Variants in LAMC1 observed in about 807,000 individuals in gnomAD.
LAMC1 encodes the protein laminin subunit gamma 1, also known as laminin subunit gamma-1.
A neutral mutation model predicts 173.6 loss-of-function variants in LAMC1; 38 were observed. The observed-to-expected ratio is 0.22, with a 90% CI of 0.17 to 0.29. The LOEUF is 0.29. LAMC1 is among the 10% of genes least tolerant of loss of function. The probability of loss-of-function intolerance (pLI) is 1.00; values close to 1 mark genes in which losing one functional copy is unlikely to be tolerated. For synonymous variants in LAMC1, 746 were observed against 749.1 expected, an observed-to-expected ratio of 1.00 and a Z score of 0.07; for missense variants, 1,824 against 2,051.8, an observed-to-expected ratio of 0.89 and a Z score of 2.14.
intron 1 of LAMC1, among the ~76,000 whole-genome samples, chr1:183,091,793 TATC>T (rs1219981176): frequency 3.3e-5 from 5 of 152,284 alleles, no homozygotes; most frequent in African/African-American, 9.6e-5. Context: ...ATGTGTCCCT[TATC>T]ATCGAGAATT....
rs140335717 is a variant in LAMC1 at position 183,113,807 on chromosome 1, A to G, written c.1022-724A>G. Reference sequence around the variant, plus strand: ...GACTCATCTGAGGCCTAAAAAGTTAAGGTAAATTGAAGCCTGCATATAAAA... The same window carrying G: ...GACTCATCTGAGGCCTAAAAAGTTAGGGTAAATTGAAGCCTGCATATAAAA... On this transcript the variant is annotated intron_variant, in intron 4 of 27. Transcript: ENST00000258341. Among the ~76,000 whole-genome samples the G allele has an allele frequency of 2.2e-4, 34 of 152,352 alleles. No individual in the cohort carries two copies. The East Asian group carries it at 6.2e-3, about 28-fold the overall frequency.
At chr1:183,054,965 T>C (rs1654544882) in intron 1 of LAMC1, among the ~76,000 whole-genome samples, 1 of 151,728 alleles carries the variant, frequency 6.6e-6, no homozygotes, top group South Asian at 2.1e-4. Context: ...CTTATTCCTT[T>C]GATTAGTGAG....
chr1:183,142,342 G>T (rs1031121151), intron 27 of LAMC1, among the ~76,000 whole-genome samples, 192 bp from the exon 28 acceptor site: 2 of 152,166 alleles, frequency 1.3e-5, no homozygotes, highest in Admixed American at 1.3e-4. Context: ...TCCCTGCTGG[G>T]TTAGGTCAGC....
At chr1:183,073,672 G>A (rs1285842395) in intron 1 of LAMC1, among the ~76,000 whole-genome samples, 1 of 152,168 alleles carries the variant, frequency 6.6e-6, no homozygotes, top group African/African-American at 2.4e-5. Flanking sequence ...TTTGGAGCAA[G>A]ATACTAGGCC....
chr1:183,133,727 A>C (rs1333178783), intron 22 of LAMC1, among the ~76,000 whole-genome samples, 177 bp downstream of exon 22: 1 of 152,186 alleles, frequency 6.6e-6, no homozygotes, highest in Admixed American at 6.5e-5. Flanking sequence ...TCATGCCTGT[A>C]ATGCCAACCC....
intron 22 of LAMC1, among the ~76,000 whole-genome samples, chr1:183,134,251 A>T (rs1656875973): frequency 6.6e-6 from 1 of 152,214 alleles, no homozygotes; most frequent in Non-Finnish European, 1.5e-5. Context: ...GTCTCTTTAG[A>T]TATGTACAGA....
chr1:183,102,108 C>G (rs988274209), intron 1 of LAMC1, among the ~76,000 whole-genome samples: 1 of 152,136 alleles, frequency 6.6e-6, no homozygotes, highest in Non-Finnish European at 1.5e-5. Flanking sequence ...GAGGGGGACT[C>G]CAGCCGGCAG....
chr1:183,062,350 G>A (rs76742209), intron 1 of LAMC1, among the ~76,000 whole-genome samples: 3,732 of 152,236 alleles, frequency 0.025, 68 homozygotes, highest in Middle Eastern at 0.041. Flanking sequence ...TTTCAGGGCA[G>A]CATTTGATTA....
At chr1:183,039,781 CT>C (rs1654076341) in intron 1 of LAMC1, among the ~76,000 whole-genome samples, 1 of 152,208 alleles carries the variant, frequency 6.6e-6, no homozygotes, top group African/African-American at 2.4e-5. Context: ...AATTAACATA[CT>C]TCCCAGATGT....
chr1:183,082,668 T>G (rs1425271651), intron 1 of LAMC1, among the ~76,000 whole-genome samples: 1 of 152,254 alleles, frequency 6.6e-6, no homozygotes, highest in Non-Finnish European at 1.5e-5. Context: ...TTAATGTGAT[T>G]ATGCACTGAT....
chr1:183,102,139 G>T (rs2102068552), intron 1 of LAMC1, among the ~76,000 whole-genome samples: 1 of 152,290 alleles, frequency 6.6e-6, no homozygotes, highest in East Asian at 1.9e-4. Context: ...ACAAAGCGGG[G>T]TCCAGGCCAC....
Position 183,128,706 on chromosome 1 carries a change from A to C in LAMC1, c.3236A>C (p.Glu1079Ala). The C allele has an allele frequency of 6.2e-7, 1 of 1,613,578 alleles. No homozygotes were observed. The highest frequency in any genetic ancestry group is 8.5e-7 in the Non-Finnish European group (1 of 1,179,634). ...QAFEDRLKEA[E>A]REVMDLLREA... ...TTCGAGGATAGACTAAAGGAAGCAG[A>C]GAGGGAAGTTATGGACCTCCTTCGT... The change falls in exon 18 of 28, where the codon GAG (glutamate) becomes GCG (alanine). Residue 1079 changes from glutamate (E) to alanine (A), a missense_variant. Transcript: ENST00000258341.
rs1007418189 is a variant in LAMC1 at position 183,144,051 on chromosome 1, C to T, written c.*1261C>T. 8 of 152,592 alleles carry T rather than the reference C, an allele frequency of 5.2e-5. No individual in the cohort carries two copies. Among genetic ancestry groups the T allele is most frequent in the South Asian group, 2.1e-4 (1 of 4,832 alleles). The allele number at this position is 152,592 out of a possible 1,614,324, so 9.5% of individuals were successfully genotyped here. ...TCTAAGTGTAGAGGGAAGACCCTTA[C>T]GTGGAGTTTCCTAGTGGGCTTCTCA... On this transcript the variant is annotated 3_prime_UTR_variant, in exon 28 of 28. Transcript: ENST00000258341.
At chr1:183,123,676 T>C (rs1014062644) in intron 13 of LAMC1, among the ~76,000 whole-genome samples, 6 of 152,218 alleles carry the variant, frequency 3.9e-5, no homozygotes, top group African/African-American at 1.4e-4. Flanking sequence ...TTTGTTTAAA[T>C]TTTTTATGCT....
intron 26 of LAMC1, among the ~76,000 whole-genome samples, 185 bp from the exon 27 acceptor site, chr1:183,140,219 A>G (rs916123254): frequency 1.7e-5 from 2 of 117,726 alleles, no homozygotes; most frequent in Admixed American, 1.7e-4. Flanking sequence ...CAACATCCTC[A>G]ATATGAAGAT....
intron 1 of LAMC1, among the ~76,000 whole-genome samples, chr1:183,083,091 C>G (rs978690990): frequency 6.6e-6 from 1 of 152,098 alleles, no homozygotes; most frequent in African/African-American, 2.4e-5. Flanking sequence ...GAAAAAAGAT[C>G]AATAACTTTT....
chr1:183,126,470 T>C (rs1046883409), intron 16 of LAMC1, among the ~76,000 whole-genome samples: 1 of 152,272 alleles, frequency 6.6e-6, no homozygotes, highest in Non-Finnish European at 1.5e-5. Context: ...TTGTATGTTT[T>C]CTTTTACAAC....
At chr1:183,084,078 G>A (rs1655359636) in intron 1 of LAMC1, among the ~76,000 whole-genome samples, 1 of 152,188 alleles carries the variant, frequency 6.6e-6, no homozygotes, top group Admixed American at 6.5e-5. Context: ...TTATTGGCTG[G>A]GCGCTGTGGC....
chr1:183,119,100 T>C (rs1162898016), intron 11 of LAMC1, among the ~76,000 whole-genome samples: 1 of 152,102 alleles, frequency 6.6e-6, no homozygotes, highest in East Asian at 1.9e-4. Flanking sequence ...TTTTACCATA[T>C]TGGCCAGGCT....
Sources: gnomAD v4.1 joint callset for allele counts (sites outside exome capture counted in the v4.1 genomes callset) on GRCh38, gnomAD v4.1.1 for gene constraint, MANE v1.5 for transcripts, NCBI Gene and HGNC (gene_info 2026-07-23, HGNC 2026-07-21) for gene names.